Variants in GPC6 observed in about 807,000 individuals in gnomAD.
GPC6 encodes the protein glypican-6.
Under a neutral mutation model 55.2 loss-of-function variants are expected in GPC6, and 14 were observed. The ratio of observed to expected loss-of-function variants is 0.25; its 90% confidence interval spans 0.17 to 0.40. The LOEUF (loss-of-function observed/expected upper bound fraction) is 0.40, where lower values mean the gene tolerates loss of function less well. Ranked by LOEUF, GPC6 falls within the 10% of genes least tolerant of loss-of-function variation. GPC6 has a pLI of 1.00. For missense variants in GPC6, 641 were observed against 708.5 expected (o/e 0.90, Z 1.08); for synonymous variants, 278 against 259.6 (o/e 1.07, Z -0.68).
At chr13:94,389,989 G>A (rs1189173274) in intron 7 of GPC6, among the ~76,000 whole-genome samples, 2 of 152,194 alleles carry the variant, frequency 1.3e-5, no homozygotes, top group Non-Finnish European at 2.9e-5. Flanking sequence ...CAAGGCACCT[G>A]ATCCTGACAG....
intron 2 of GPC6, among the ~76,000 whole-genome samples, chr13:93,692,019 T>C (rs1335995950): frequency 1.3e-5 from 2 of 152,228 alleles, no homozygotes; most frequent in Non-Finnish European, 2.9e-5. Flanking sequence ...TTGCCATTTA[T>C]GTAAAATGCT....
Position 94,305,551 on chromosome 13 carries a change from A to G in GPC6, c.1009-429A>G, listed in dbSNP as rs187423277. The stretch of plus-strand genomic sequence containing the variant: ...AAACATTGTACTACATAGACCACAA[A>G]GAGAACACTTGTTTACAGTCTGAGA... On this transcript the variant is annotated intron_variant, in intron 5 of 8. Coordinates refer to ENST00000377047, the MANE Select transcript of GPC6 (RefSeq NM_005708.5). Among the ~76,000 whole-genome samples the G allele has an allele frequency of 2.6e-5, 4 of 152,330 alleles. No individual in the cohort carries two copies. The East Asian group carries it at 7.7e-4, about 29-fold the overall frequency.
intron 4 of GPC6, among the ~76,000 whole-genome samples, chr13:94,275,104 T>C (rs1268149930): frequency 6.6e-6 from 1 of 152,194 alleles, no homozygotes; most frequent in Non-Finnish European, 1.5e-5. Context: ...TTCCAATGAT[T>C]CTTTTAACGA....
rs1555334725 is a variant in GPC6, at chr13:93,830,631, A to AAC, written c.711+87_711+88insCA. 4.2e-4 allele frequency: 493 copies of AAC among 1,162,678 alleles called. 6 individuals carry two copies. Among genetic ancestry groups the AAC allele is most frequent in the Middle Eastern group, 7.1e-4 (3 of 4,198 alleles). 72.0% of individuals were successfully genotyped at this position (1,162,678 alleles called of 1,614,324 possible). On this transcript the variant is annotated intron_variant, in intron 3 of 8. Transcript: ENST00000377047. ...AATGTTTAAAAAAAAAAAAAAAAAAAAAAAAAACCAAGGTAAAAATTCTTA... is the reference window on the plus strand; with the variant it reads ...AATGTTTAAAAAAAAAAAAAAAAAAAACAAAAAAACCAAGGTAAAAATTCTTA...
At chr13:93,261,213 G>T (rs1877134900) in intron 1 of GPC6, among the ~76,000 whole-genome samples, 1 of 152,106 alleles carries the variant, frequency 6.6e-6, no homozygotes, top group Non-Finnish European at 1.5e-5. Context: ...GAGCTTGAGG[G>T]GCACAGGTTT....
intron 1 of GPC6, among the ~76,000 whole-genome samples, chr13:93,486,212 C>T (rs1367500711): frequency 2.0e-5 from 3 of 152,144 alleles, no homozygotes; most frequent in Non-Finnish European, 4.4e-5. Context: ...GGAATCATTT[C>T]AGTTGGGTAG....
At chr13:93,579,315 T>G (rs914756719) in intron 2 of GPC6, among the ~76,000 whole-genome samples, 23 of 152,282 alleles carry the variant, frequency 1.5e-4, no homozygotes, top group South Asian at 8.3e-4. Context: ...CCTAATTTGA[T>G]TCTAGTAGTG....
chr13:94,158,329 A>G (rs1032646169), intron 4 of GPC6, among the ~76,000 whole-genome samples: 5 of 151,892 alleles, frequency 3.3e-5, no homozygotes, highest in Non-Finnish European at 7.4e-5. Flanking sequence ...AGACACAATT[A>G]TAGTTTGAGT....
At chr13:93,342,743 G>A (rs1880302421) in intron 1 of GPC6, among the ~76,000 whole-genome samples, 1 of 152,178 alleles carries the variant, frequency 6.6e-6, no homozygotes, top group Non-Finnish European at 1.5e-5. Context: ...GTCTTACTGA[G>A]GGGGACTGGA....
At position 94,243,486 on chromosome 13, in the gene GPC6, A is replaced by G. The variant is rs556384334; in HGVS notation, c.878-42863A>G. On this transcript the variant is annotated intron_variant, in intron 4 of 8. Coordinates refer to ENST00000377047, the MANE Select transcript of GPC6 (RefSeq NM_005708.5). ...TTGAGCCACCTTTGACAGGAGCACA[A>G]TCAGTTTGTCTGAAAGGGTCTTCAT... is the stretch of plus-strand genomic sequence containing the variant. Among the ~76,000 whole-genome samples, 9 of 152,220 alleles carry G rather than the reference A, an allele frequency of 5.9e-5. No individual in the cohort carries two copies. In the East Asian group the frequency reaches 1.4e-3, roughly 23 times the overall value.
intron 2 of GPC6, among the ~76,000 whole-genome samples, chr13:93,804,033 T>C (rs992131239): frequency 3.3e-5 from 5 of 152,164 alleles, no homozygotes; most frequent in African/African-American, 1.2e-4. Context: ...GGTGAATATA[T>C]TAAAAACATT....
At chr13:94,030,308 C>T (rs1457713982) in intron 4 of GPC6, among the ~76,000 whole-genome samples, 1 of 152,058 alleles carries the variant, frequency 6.6e-6, no homozygotes, top group Non-Finnish European at 1.5e-5. Flanking sequence ...CGTGCCCGTC[C>T]CCTCTGTCTC....
intron 2 of GPC6, among the ~76,000 whole-genome samples, chr13:93,794,798 G>A (rs1488098773): frequency 6.6e-6 from 1 of 152,132 alleles, no homozygotes; most frequent in Non-Finnish European, 1.5e-5. Context: ...CACCAAATAT[G>A]GCTGTAGATT....
intron 2 of GPC6, among the ~76,000 whole-genome samples, chr13:93,582,119 A>G (rs73541552): frequency 0.035 from 5,401 of 152,324 alleles, 322 homozygotes; most frequent in African/African-American, 0.12. Flanking sequence ...AATAATTAGC[A>G]ATATCCCTTA....
intron 1 of GPC6, among the ~76,000 whole-genome samples, chr13:93,272,492 G>GTGTATATA (rs1429769672): frequency 7.3e-6 from 1 of 137,182 alleles, no homozygotes; most frequent in South Asian, 2.3e-4. Context: ...TTGTCTGTGT[G>GTGTATATA]TATATATATA....
intron 4 of GPC6, among the ~76,000 whole-genome samples, chr13:94,141,494 C>T (rs1887376900): frequency 6.6e-6 from 1 of 152,066 alleles, no homozygotes; most frequent in African/African-American, 2.4e-5. Flanking sequence ...AATATTAATG[C>T]TGGTCAGTTG....
intron 3 of GPC6, among the ~76,000 whole-genome samples, chr13:93,839,176 A>C (rs773088493): frequency 6.6e-6 from 1 of 152,156 alleles, no homozygotes; most frequent in Non-Finnish European, 1.5e-5. Flanking sequence ...GCGCAGGTTG[A>C]CTTGAGTGGT....
intron 2 of GPC6, among the ~76,000 whole-genome samples, chr13:93,764,085 T>A (rs1297968607): frequency 6.6e-6 from 1 of 152,118 alleles, no homozygotes; most frequent in African/African-American, 2.4e-5. Context: ...AGCCCAACTA[T>A]CCCACTTTCT....
chr13:93,269,747 A>G (rs1877447351), intron 1 of GPC6, among the ~76,000 whole-genome samples: 1 of 146,314 alleles, frequency 6.8e-6, no homozygotes, highest in Non-Finnish European at 1.5e-5. Flanking sequence ...AGCACGGTGA[A>G]ACCCCATCTC....
Sources: allele counts gnomAD v4.1 joint callset (sites outside exome capture counted in the v4.1 genomes callset), GRCh38; gene constraint gnomAD v4.1.1; transcripts MANE v1.5; gene names NCBI Gene and HGNC (gene_info 2026-07-23, HGNC 2026-07-21).